Variants in HDLBP observed in about 807,000 individuals in gnomAD.
The protein encoded by HDLBP is vigilin.
Under a neutral mutation model 137.3 loss-of-function variants are expected in HDLBP, and 30 were observed. The ratio of observed to expected loss-of-function variants is 0.22; its 90% CI spans 0.16 to 0.30. The LOEUF is 0.30. Among genes scored for constraint, HDLBP ranks in the 10% least tolerant of loss-of-function variants. The pLI is 1.00. For synonymous variants in HDLBP, 606 were observed against 596.0 expected (o/e 1.02, Z -0.24); for missense variants, 1,119 against 1,667.3 (o/e 0.67, Z 5.73).
chr2:241,267,506 G>A (rs2073767604), intron 2 of HDLBP: 3 of 1,421,896 alleles, frequency 2.1e-6, no homozygotes, highest in Non-Finnish European at 2.9e-6. Flanking sequence ...CCAGGCTCCA[G>A]GCATAGATCA....
At chr2:241,311,098 A>G (rs2075744236) in intron 1 of HDLBP, among the ~76,000 whole-genome samples, 1 of 152,120 alleles carries the variant, frequency 6.6e-6, no homozygotes, top group Admixed American at 6.5e-5. Flanking sequence ...TGAGCAACAG[A>G]GCAAGACGCT....
intron 1 of HDLBP, among the ~76,000 whole-genome samples, chr2:241,292,734 A>G (rs188089116): frequency 6.6e-6 from 1 of 152,258 alleles, no homozygotes; most frequent in African/African-American, 2.4e-5. Flanking sequence ...GACAACTGTG[A>G]AAGCTGGGTG....
At position 241,248,096 on chromosome 2, in the gene HDLBP, G is replaced by A. The variant is rs201673597; in HGVS notation, c.1638C>T (p.Asp546=). 101 of 1,613,822 alleles carry A rather than the reference G, an allele frequency of 6.3e-5. No individual in the cohort carries two copies. Among genetic ancestry groups the A allele is most frequent in the Non-Finnish European group, 8.3e-5 (98 of 1,179,874 alleles). ...KFPEVIINFP[D]PAQKSDIVQL... is the part of the protein sequence containing the mutation. ...GGACAATGTCACTTTTTTGTGCTGG[G>A]TCTGGAAAGTTAATGATGACCTAGA... The change falls in exon 14 of 28, where the codon GAC becomes GAT. Residue 546 remains aspartate (D), a synonymous_variant. Coordinates refer to ENST00000310931, the MANE Select transcript of HDLBP (RefSeq NM_005336.6).
intron 1 of HDLBP, among the ~76,000 whole-genome samples, chr2:241,300,503 G>A (rs7559564): frequency 0.16 from 24,089 of 152,136 alleles, 2,100 homozygotes; most frequent in Middle Eastern, 0.28. Context: ...CTGGGGGCAG[G>A]TAGAGAAGAC....
At chr2:241,277,828 G>C (rs2149605405) in intron 1 of HDLBP, among the ~76,000 whole-genome samples, 1 of 152,268 alleles carries the variant, frequency 6.6e-6, no homozygotes, top group South Asian at 2.1e-4. Context: ...GGGCGTGGTG[G>C]TGCATGCCTG....
At chr2:241,296,985 C>T (rs960193881) in intron 1 of HDLBP, among the ~76,000 whole-genome samples, 1 of 152,256 alleles carries the variant, frequency 6.6e-6, no homozygotes, top group African/African-American at 2.4e-5. Flanking sequence ...GACAAGGACA[C>T]CACACAGTAA....
intron 1 of HDLBP, among the ~76,000 whole-genome samples, chr2:241,271,467 G>A (rs1232120834): frequency 6.6e-6 from 1 of 152,142 alleles, no homozygotes; most frequent in Admixed American, 6.5e-5. Flanking sequence ...TGGGAAACCT[G>A]GTGCTTACAA....
chr2:241,236,065 C>T (rs186280145), intron 21 of HDLBP: 22 of 189,906 alleles, frequency 1.2e-4, no homozygotes, highest in Admixed American at 1.6e-4. Context: ...TCTCCCCCAC[C>T]GCCCTTCACC....
chr2:241,289,345 T>C (rs2074934627), intron 1 of HDLBP, among the ~76,000 whole-genome samples: 2 of 152,184 alleles, frequency 1.3e-5, no homozygotes, highest in South Asian at 4.1e-4. Flanking sequence ...AGTCTACTCT[T>C]CAGAGATTAA....
chr2:241,281,587 A>C (rs993637559), intron 1 of HDLBP, among the ~76,000 whole-genome samples: 33 of 152,186 alleles, frequency 2.2e-4, no homozygotes, highest in Non-Finnish European at 1.6e-4. Flanking sequence ...ATTTTCATAG[A>C]AATAGACTAC....
At chr2:241,292,855 G>A (rs76080007) in intron 1 of HDLBP, among the ~76,000 whole-genome samples, 5,076 of 152,192 alleles carry the variant, frequency 0.033, 508 homozygotes, top group Admixed American at 0.19. Flanking sequence ...GAGACTGCCT[G>A]TACAAAAATA....
chr2:241,305,094 C>T (rs1461162570), intron 1 of HDLBP, among the ~76,000 whole-genome samples: 3 of 152,224 alleles, frequency 2.0e-5, no homozygotes, highest in Non-Finnish European at 2.9e-5. Flanking sequence ...AACTAAACGA[C>T]TCCTGCAAGT....
intron 1 of HDLBP, among the ~76,000 whole-genome samples, chr2:241,289,523 CA>C (rs1333148023): frequency 6.6e-6 from 1 of 152,180 alleles, no homozygotes; most frequent in African/African-American, 2.4e-5. Context: ...GGACTCAGAT[CA>C]GAACATTACC....
In HDLBP at chr2:241,255,233, T is replaced by A. The variant is rs2072521836; in HGVS notation, c.1081-75A>T. 5 of 1,491,836 alleles carry A rather than the reference T, an allele frequency of 3.4e-6. No individual in the cohort carries two copies. In the East Asian group the frequency reaches 9.0e-5, roughly 27 times the overall value. The allele number at this position is 1,491,836 out of a possible 1,614,324, so 92.4% of individuals were successfully genotyped here. ...CACAGTGAAAGCCAGGCTGCTCACC[T>A]GGGGCTCAGAGGCACGCTCTCCCCA... On this transcript the variant is annotated intron_variant, in intron 8 of 27. Transcript: ENST00000310931.
rs1195509464 is a variant in HDLBP, at chr2:241,264,348, CG to C, written c.234+99del. The C allele has an allele frequency of 5.0e-6, 4 of 801,744 alleles. No individual in the cohort carries two copies. The African/African-American group carries it at 5.6e-5, about 11-fold the overall frequency. 49.7% of individuals were successfully genotyped at this position (801,744 alleles called of 1,614,324 possible). The stretch of plus-strand genomic sequence containing the variant: ...CTGCACTCCAGCCTGGGCGACAGAG[CG>C]GGACTCTGTCTCAAAAAAAAAAAAA... On this transcript the variant is annotated intron_variant, in intron 4 of 27. Transcript: ENST00000310931.
intron 1 of HDLBP, among the ~76,000 whole-genome samples, chr2:241,305,634 C>G (rs2075543739): frequency 6.6e-6 from 1 of 152,172 alleles, no homozygotes; most frequent in Non-Finnish European, 1.5e-5. Context: ...ACGACAACCA[C>G]AAAGGTCTCT....
chr2:241,249,110 C>A (rs2149448871), intron 12 of HDLBP, among the ~76,000 whole-genome samples: 1 of 152,232 alleles, frequency 6.6e-6, no homozygotes, highest in South Asian at 2.1e-4. Flanking sequence ...AGGCCACAAG[C>A]AGTGGGAGGC....
intron 8 of HDLBP, 81 bp from the exon 9 acceptor site, chr2:241,255,239 T>A: frequency 6.9e-7 from 1 of 1,455,640 alleles, no homozygotes; most frequent in Non-Finnish European, 9.6e-7. Flanking sequence ...CACCTGGGGC[T>A]CAGAGGCACG....
chr2:241,311,787 T>G (rs1010310361), intron 1 of HDLBP, among the ~76,000 whole-genome samples: 1 of 152,200 alleles, frequency 6.6e-6, no homozygotes, highest in Non-Finnish European at 1.5e-5. Flanking sequence ...TGGCAATATG[T>G]AGTCATAATA....
Sources: gnomAD v4.1 joint callset for allele counts (sites outside exome capture counted in the v4.1 genomes callset) on GRCh38, gnomAD v4.1.1 for gene constraint, MANE v1.5 for transcripts, NCBI Gene and HGNC (gene_info 2026-07-23, HGNC 2026-07-21) for gene names.